SYNE1: variants seen among roughly 807,000 people sequenced by gnomAD.
SYNE1 encodes nesprin-1.
A neutral mutation model predicts 1,111.0 loss-of-function variants in SYNE1; 616 were observed. That is an observed-to-expected ratio of 0.55 (90% confidence interval 0.52 to 0.59). SYNE1 has a LOEUF of 0.59. SYNE1 is among the 20% of genes least tolerant of loss of function. The pLI, the probability that SYNE1 is intolerant of heterozygous loss-of-function variation, is 0.00. For synonymous variants in SYNE1, 3,855 were observed against 3,825.8 expected, an observed-to-expected ratio of 1.01 and a Z score of -0.28; for missense variants, 10,006 against 10,417.0, an observed-to-expected ratio of 0.96 and a Z score of 1.72.
intron 32 of SYNE1, among the ~76,000 whole-genome samples, chr6:152,439,125 G>A (rs1489629876): frequency 6.6e-6 from 1 of 152,190 alleles, no homozygotes; most frequent in African/African-American, 2.4e-5. Flanking sequence ...CATATTATAT[G>A]TGTTTGATAA....
chr6:152,336,161 T>TA (rs1227102625), intron 76 of SYNE1: 1 of 142,326 alleles, frequency 7.0e-6, no homozygotes, highest in African/African-American at 2.6e-5. Flanking sequence ...AAAAAAAGAA[T>TA]AATGTTCCAT....
At chr6:152,234,938 T>C (rs2083643730) in intron 110 of SYNE1, 138 bp from the exon 111 acceptor site, 9 of 979,768 alleles carry the variant, frequency 9.2e-6, no homozygotes, top group South Asian at 4.3e-5. Context: ...GTTGGCACTC[T>C]GAAATTTTCT....
chr6:152,373,940 A>G (rs1042022516), intron 58 of SYNE1, among the ~76,000 whole-genome samples: 1 of 152,236 alleles, frequency 6.6e-6, no homozygotes, highest in African/African-American at 2.4e-5. Flanking sequence ...AACCAGGGAC[A>G]AGACTCGCAG....
intron 105 of SYNE1, among the ~76,000 whole-genome samples, chr6:152,247,189 C>A (rs867230048): frequency 1.3e-5 from 2 of 152,174 alleles, no homozygotes; most frequent in African/African-American, 2.4e-5. Flanking sequence ...TGGATTGGAA[C>A]AGCACAACTC....
intron 87 of SYNE1, chr6:152,311,107 C>G (rs141734853): frequency 1.1e-5 from 6 of 561,282 alleles, no homozygotes; most frequent in African/African-American, 1.9e-5. Flanking sequence ...ACATGTCATA[C>G]TACGTGTGGG....
chr6:152,417,619 A>T (rs17082664), intron 40 of SYNE1, among the ~76,000 whole-genome samples: 1 of 152,104 alleles, frequency 6.6e-6, no homozygotes. Flanking sequence ...ACATTGGAAG[A>T]TTCTTAAAGA....
In SYNE1 at chr6:152,125,549, G is replaced by T. The variant is rs987629785; in HGVS notation, c.26154-2873C>A. On this transcript the variant is annotated intron_variant, in intron 145 of 145. Transcript: ENST00000367255. ...GATAGGATAGCTACCCACAAACTTT[G>T]GATCAAATTTTCTTCAAAACATCCT... is the stretch of plus-strand genomic sequence containing the variant. 7.6e-6 allele frequency: 5 copies of T among 656,090 alleles called. No individual in the cohort carries two copies. The South Asian group carries it at 2.2e-4, about 29-fold the overall frequency. The allele number at this position is 656,090 out of a possible 1,614,324, so 40.6% of individuals were successfully genotyped here. A position where few individuals can be genotyped will look rare whatever the true frequency, so the allele number is the denominator to read the frequency against.
At chr6:152,198,694 G>A (rs947895935) in intron 127 of SYNE1, among the ~76,000 whole-genome samples, 2 of 152,150 alleles carry the variant, frequency 1.3e-5, no homozygotes, top group African/African-American at 4.8e-5. Flanking sequence ...GGCCAGAGGA[G>A]AAGGAGAGAG....
At chr6:152,522,919 ATTTG>A (rs2099146832) in intron 5 of SYNE1, among the ~76,000 whole-genome samples, 1 of 151,596 alleles carries the variant, frequency 6.6e-6, no homozygotes, top group South Asian at 2.1e-4. Flanking sequence ...TTTCTTGCTG[ATTTG>A]TTTGAGTTCC....
chr6:152,579,640 A>T (rs1406543104), intron 3 of SYNE1, among the ~76,000 whole-genome samples: 1 of 152,130 alleles, frequency 6.6e-6, no homozygotes, highest in Non-Finnish European at 1.5e-5. Flanking sequence ...GTAGTACTCA[A>T]TAGGTAGTTT....
At chr6:152,433,342 T>C (rs908001799) in intron 34 of SYNE1, among the ~76,000 whole-genome samples, 2 of 152,144 alleles carry the variant, frequency 1.3e-5, no homozygotes, top group African/African-American at 4.8e-5. Flanking sequence ...GGAGTAGAAC[T>C]GCTTCACTTA....
intron 55 of SYNE1, among the ~76,000 whole-genome samples, chr6:152,382,235 A>G (rs966964387): frequency 5.3e-5 from 8 of 152,224 alleles, no homozygotes; most frequent in African/African-American, 1.9e-4. Context: ...GGATTTTGTT[A>G]ATATTATTAC....
At chr6:152,361,634 G>T (rs530779838) in intron 64 of SYNE1, among the ~76,000 whole-genome samples, 1 of 152,162 alleles carries the variant, frequency 6.6e-6, no homozygotes, top group Non-Finnish European at 1.5e-5. Context: ...TAATGGTAAG[G>T]GGGTGATGGA....
chr6:152,390,549 C>A (rs1235281584), intron 52 of SYNE1, 97 bp from the exon 53 acceptor site: 1 of 1,215,894 alleles, frequency 8.2e-7, no homozygotes, highest in East Asian at 2.5e-5. Flanking sequence ...AGTAGGAATA[C>A]TTTACTTACC....
At chr6:152,278,430 A>G (rs780659163) in intron 97 of SYNE1, 150 bp from the exon 98 acceptor site, 1 of 782,954 alleles carries the variant, frequency 1.3e-6, no homozygotes, top group Non-Finnish European at 2.2e-6. Context: ...CTTGACGAGT[A>G]AGTAGTCTGT....
intron 137 of SYNE1, 76 bp downstream of exon 137, chr6:152,147,968 GC>G: frequency 2.5e-6 from 3 of 1,214,084 alleles, no homozygotes; most frequent in Non-Finnish European, 3.6e-6. Context: ...ATTCTGGATA[GC>G]TGTCATGTTT....
At chr6:152,480,995 C>T (rs2098891729) in intron 14 of SYNE1, among the ~76,000 whole-genome samples, 1 of 152,126 alleles carries the variant, frequency 6.6e-6, no homozygotes, top group Non-Finnish European at 1.5e-5. Context: ...GCTAGAAGGG[C>T]TCATGAAGGG....
At chr6:152,430,297 A>G (rs1437525779) in intron 35 of SYNE1, 87 bp from the exon 36 acceptor site, 1 of 1,188,436 alleles carries the variant, frequency 8.4e-7, no homozygotes, top group African/African-American at 1.5e-5. Context: ...TGGCATACCT[A>G]CCTTTTATGG....
At position 152,362,274 on chromosome 6, in the gene SYNE1, G is replaced by T. The variant is rs532266381; in HGVS notation, c.10195C>A (p.Arg3399=). 6.2e-6 allele frequency: 10 copies of T among 1,614,162 alleles called. No homozygotes were observed. Among genetic ancestry groups the T allele is most frequent in the South Asian group, 3.3e-5 (3 of 91,076 alleles). ...CTATCCATCCAACCGGAGAACTGTC[G>T]AACGCCATCCTGATAACTTGTCCAC... ...SKWTSYQDGV[R]QFSGWMDSME... The change falls in exon 64 of 146, where the codon CGA becomes AGA. Residue 3399 remains arginine (R), a synonymous_variant. Transcript: ENST00000367255.
Sources: allele counts gnomAD v4.1 joint callset (sites outside exome capture counted in the v4.1 genomes callset), GRCh38; gene constraint gnomAD v4.1.1; transcripts MANE v1.5; gene names NCBI Gene and HGNC (gene_info 2026-07-23, HGNC 2026-07-21).